The following YARS1 variants were observed in gnomAD, a reference collection of about 807,000 sequenced individuals.
YARS1 encodes the protein tyrosyl-tRNA synthetase 1.
A neutral mutation model predicts 62.2 loss-of-function variants in YARS1; 36 were observed. The ratio of observed to expected loss-of-function variants is 0.58; its 90% CI spans 0.44 to 0.76. The LOEUF (loss-of-function observed/expected upper bound fraction) is 0.76, where lower values mean the gene tolerates loss of function less well. Among genes scored for constraint, YARS1 ranks in the 30% least tolerant of loss-of-function variants. YARS1 has a pLI of 0.00. For missense variants in YARS1, 524 were observed against 639.8 expected (o/e 0.82, Z 1.95); for synonymous variants, 234 against 244.9 (o/e 0.96, Z 0.42).
At chr1:32,779,276 C>T in intron 12 of YARS1, 106 bp downstream of exon 12, 1 of 1,581,468 alleles carries the variant, frequency 6.3e-7, no homozygotes, top group South Asian at 1.1e-5. Flanking sequence ...GGCTCAAATG[C>T]AGGAAGTCCC....
chr1:32,815,458 G>C (rs770708887), intron 1 of YARS1, among the ~76,000 whole-genome samples: 1 of 152,208 alleles, frequency 6.6e-6, no homozygotes, highest in Non-Finnish European at 1.5e-5. Context: ...AGGAAACAAA[G>C]AATCTAGCTA....
intron 8 of YARS1, 79 bp downstream of exon 8, chr1:32,786,283 T>A (rs1231632762): frequency 1.4e-6 from 2 of 1,410,084 alleles, no homozygotes; most frequent in African/African-American, 2.8e-5. Context: ...AACAAGTTGT[T>A]CTAAACAAGT....
At chr1:32,814,280 T>G (rs1454799365) in intron 1 of YARS1, among the ~76,000 whole-genome samples, 1 of 113,928 alleles carries the variant, frequency 8.8e-6, no homozygotes, top group Non-Finnish European at 2.2e-5. Flanking sequence ...CTCCTATTTC[T>G]CTCTGCCTCT....
chr1:32,810,959 G>A lies in YARS1; in HGVS notation c.156C>T (p.Tyr52=). ...CTGCAATCTTTGACATGGGCACAAA[G>A]TAAGCCACATGTGGTTTGCCCGTGG... is the stretch of plus-strand genomic sequence containing the variant. ...TATTGKPHVA[Y]FVPMSKIADF... Residue 52 remains tyrosine, a synonymous_variant, in exon 2 of 13, where the codon TAC becomes TAT. Transcript: ENST00000373477. 1 of 1,614,150 alleles carries A rather than the reference G, an allele frequency of 6.2e-7. No individual in the cohort carries two copies. The highest frequency in any genetic ancestry group is 8.5e-7 in the Non-Finnish European group (1 of 1,180,034).
chr1:32,775,725 C>A lies in YARS1; in HGVS notation c.*256G>T. On this transcript the variant is annotated 3_prime_UTR_variant, in exon 13 of 13. Coordinates refer to ENST00000373477, the MANE Select transcript of YARS1 (RefSeq NM_003680.4). ...ATTGAAACCAGATTTCTCCAGCTGCCAAGGGAAGAAGGTAGGGCTGGACTC... is the reference window on the plus strand; with the variant it reads ...ATTGAAACCAGATTTCTCCAGCTGCAAAGGGAAGAAGGTAGGGCTGGACTC... 1.8e-6 allele frequency: 1 copy of A among 554,216 alleles called. No homozygotes were observed. The allele number at this position is 554,216 out of a possible 1,614,324, so 34.3% of individuals were successfully genotyped here.
intron 4 of YARS1, among the ~76,000 whole-genome samples, chr1:32,799,210 T>C (rs1409376119): frequency 6.6e-6 from 1 of 152,122 alleles, no homozygotes; most frequent in East Asian, 1.9e-4. Flanking sequence ...AAATTTTGAG[T>C]GATTCAGTCT....
Position 32,775,471 on chromosome 1 carries a change from C to G in YARS1, c.*510G>C, listed in dbSNP as rs1652813954. ...CCCCAGTGCCAAGCCTCAGAGTAAG[C>G]AGACATTGGGAAAGTTGCCAACCAC... On this transcript the variant is annotated 3_prime_UTR_variant, in exon 13 of 13. Coordinates refer to ENST00000373477, the MANE Select transcript of YARS1 (RefSeq NM_003680.4). The G allele has an allele frequency of 6.2e-6, 1 of 160,910 alleles. No individual in the cohort carries two copies. Among genetic ancestry groups the G allele is most frequent in the South Asian group, 1.8e-4 (1 of 5,620 alleles). The allele number at this position is 160,910 out of a possible 1,614,324, so 10.0% of individuals were successfully genotyped here.
At chr1:32,802,669 A>G (rs931512359) in intron 4 of YARS1, among the ~76,000 whole-genome samples, 1 of 152,190 alleles carries the variant, frequency 6.6e-6, no homozygotes, top group Non-Finnish European at 1.5e-5. Flanking sequence ...ACTGTCAATG[A>G]GCAGTAATGT....
chr1:32,784,484 G>A (rs1238884433), intron 8 of YARS1, among the ~76,000 whole-genome samples: 1 of 151,932 alleles, frequency 6.6e-6, no homozygotes, highest in African/African-American at 2.4e-5. Flanking sequence ...ACTCTAGTCA[G>A]ACCAAACCAC....
rs574255335 is a variant in YARS1, at chr1:32,786,841, A to G, written c.820+99T>C. 1.3e-5 allele frequency: 19 copies of G among 1,479,068 alleles called. No homozygotes were observed. In the African/African-American group the frequency reaches 2.6e-4, roughly 21 times the overall value. The allele number at this position is 1,479,068 out of a possible 1,614,324, so 91.6% of individuals were successfully genotyped here. A position where few individuals can be genotyped will look rare whatever the true frequency, so the allele number is the denominator to read the frequency against. The stretch of plus-strand genomic sequence containing the variant: ...ATCAGAGCAGAGAATCAGGGCAGCC[A>G]GTCCCTGAAGGAAGAGTCTGTGACA... On this transcript the variant is annotated intron_variant, in intron 7 of 12. Coordinates refer to ENST00000373477, the MANE Select transcript of YARS1 (RefSeq NM_003680.4).
intron 4 of YARS1, among the ~76,000 whole-genome samples, chr1:32,801,488 T>C (rs927999661): frequency 1.3e-5 from 2 of 152,220 alleles, no homozygotes; most frequent in African/African-American, 4.8e-5. Context: ...CATAATCTTC[T>C]TGCTGGTGGA....
intron 4 of YARS1, among the ~76,000 whole-genome samples, chr1:32,800,537 T>C (rs1157238984): frequency 6.6e-6 from 1 of 152,046 alleles, no homozygotes; most frequent in African/African-American, 2.4e-5. Context: ...TCTATCCATA[T>C]TTTCATCCTG....
intron 7 of YARS1, 128 bp from the exon 8 acceptor site, chr1:32,786,575 G>T: frequency 2.1e-6 from 2 of 946,964 alleles, no homozygotes; most frequent in Non-Finnish European, 3.3e-6. Context: ...TTATTGTATG[G>T]TATTATTCTT....
chr1:32,775,912 T>C lies in YARS1; in HGVS notation c.*69A>G. 2.2e-6 allele frequency: 3 copies of C among 1,368,150 alleles called. No homozygotes were observed. Among genetic ancestry groups the C allele is most frequent in the Non-Finnish European group, 3.1e-6 (3 of 958,970 alleles). The allele number at this position is 1,368,150 out of a possible 1,614,324, so 84.8% of individuals were successfully genotyped here. ...TCCTGAGAGATGGGTAAATGGGTGA[T>C]GGATGGAGCAGACTGAAGAGACAGC... is the stretch of plus-strand genomic sequence containing the variant. On this transcript the variant is annotated 3_prime_UTR_variant, in exon 13 of 13. Coordinates refer to ENST00000373477, the MANE Select transcript of YARS1 (RefSeq NM_003680.4).
intron 1 of YARS1, chr1:32,816,685 G>C (rs1638744703): frequency 6.2e-6 from 1 of 161,744 alleles, no homozygotes; most frequent in Non-Finnish European, 1.4e-5. Flanking sequence ...GTAACAAACG[G>C]AACATTTGTG....
chr1:32,783,690 T>G (rs1653131168), intron 8 of YARS1: 1 of 152,210 alleles, frequency 6.6e-6, no homozygotes, highest in South Asian at 2.1e-4. Context: ...AATGAACACT[T>G]TTAATACAAC....
intron 4 of YARS1, among the ~76,000 whole-genome samples, chr1:32,800,212 C>T (rs1638244596): frequency 6.6e-6 from 1 of 151,998 alleles, no homozygotes; most frequent in Non-Finnish European, 1.5e-5. Context: ...GAACTCCCAA[C>T]CTCAAGTGAT....
intron 1 of YARS1, among the ~76,000 whole-genome samples, chr1:32,811,890 C>T (rs1177178250): frequency 1.3e-5 from 2 of 152,130 alleles, no homozygotes; most frequent in African/African-American, 4.8e-5. Flanking sequence ...AAACTTTAAG[C>T]CCCCCAACTG....
At chr1:32,790,951 C>G (rs1208302984) in intron 6 of YARS1, 2 of 564,494 alleles carry the variant, frequency 3.5e-6, no homozygotes, top group South Asian at 4.1e-5. Flanking sequence ...TTTTTATCAG[C>G]AGCAAAAACC....
Sources: allele counts gnomAD v4.1 joint callset (sites outside exome capture counted in the v4.1 genomes callset), GRCh38; gene constraint gnomAD v4.1.1; transcripts MANE v1.5; gene names NCBI Gene and HGNC (gene_info 2026-07-23, HGNC 2026-07-21).